The following MAP1B variants were observed in gnomAD, a reference collection of about 807,000 sequenced individuals.
MAP1B encodes microtubule-associated protein 1B.
A neutral mutation model predicts 176.1 loss-of-function variants in MAP1B; 12 were observed. The observed-to-expected ratio is 0.07, with a 90% CI of 0.04 to 0.11. The LOEUF (loss-of-function observed/expected upper bound fraction) is 0.11, where lower values mean the gene tolerates loss of function less well. Among genes scored for constraint, MAP1B ranks in the 10% least tolerant of loss-of-function variants. MAP1B has a pLI of 1.00. For missense variants in MAP1B, 2,523 were observed against 2,990.5 expected (o/e 0.84, Z 3.65); for synonymous variants, 1,044 against 1,135.0 (o/e 0.92, Z 1.61).
intron 2 of MAP1B, among the ~76,000 whole-genome samples, chr5:72,159,545 T>C (rs1256537276): frequency 6.6e-6 from 1 of 152,202 alleles, no homozygotes; most frequent in Non-Finnish European, 1.5e-5. Context: ...TGTACAAATA[T>C]CTGTTTAAGT....
Position 72,196,461 on chromosome 5 carries a change from C to T in MAP1B, c.3106C>T (p.Pro1036Ser). 1 of 1,613,638 alleles carries T rather than the reference C, an allele frequency of 6.2e-7. No individual in the cohort carries two copies. The change falls in exon 5 of 7, where the codon CCG (proline) becomes TCG (serine). Residue 1036 changes from proline to serine, a missense_variant. Pro to Ser is a moderately conservative substitution (Grantham distance 74). Coordinates refer to ENST00000296755, the MANE Select transcript of MAP1B (RefSeq NM_005909.5). This position sits in a 1 kb window ranked among gnomAD's most constrained non-coding sequence, Gnocchi z 5.3. ...AEDAREEEYE[P>S]EKMEAEDYVM... ...AGATGCCAGAGAGGAGGAATATGAG[C>T]CGGAAAAAATGGAAGCTGAAGACTA...
chr5:72,133,102 A>G (rs1250216916), intron 2 of MAP1B, among the ~76,000 whole-genome samples: 1 of 152,214 alleles, frequency 6.6e-6, no homozygotes, highest in African/African-American at 2.4e-5. Context: ...GTGGGATGCT[A>G]GCCTGGGAAG....
intron 1 of MAP1B, among the ~76,000 whole-genome samples, chr5:72,108,721 G>T (rs777212473): frequency 3.9e-5 from 6 of 152,114 alleles, no homozygotes; most frequent in Non-Finnish European, 8.8e-5. Context: ...GGCACGGCTG[G>T]CTGGGCTTGC....
chr5:72,189,745 G>T (rs1323751093), intron 4 of MAP1B, among the ~76,000 whole-genome samples: 1 of 151,948 alleles, frequency 6.6e-6, no homozygotes, highest in Non-Finnish European at 1.5e-5. Context: ...ATAAAAAGAA[G>T]AGGAGATGGG....
At chr5:72,120,762 A>C (rs1299798562) in intron 2 of MAP1B, among the ~76,000 whole-genome samples, 1 of 152,174 alleles carries the variant, frequency 6.6e-6, no homozygotes, top group Non-Finnish European at 1.5e-5. Flanking sequence ...AATGAATTAA[A>C]GTGTGTAAAG....
intron 2 of MAP1B, among the ~76,000 whole-genome samples, chr5:72,119,208 A>T (rs1389349576): frequency 6.6e-6 from 1 of 152,200 alleles, no homozygotes; most frequent in East Asian, 1.9e-4. Flanking sequence ...CAACTCTGGC[A>T]TACTGTAATT....
rs1330924457 is a variant in MAP1B, at chr5:72,205,580, T to A, written c.*341T>A. ...GAGAGAGAGAGAGCGCGGGAGAGAG[T>A]GAGAGAGAGTGAGAGCACAAAGATA... On this transcript the variant is annotated 3_prime_UTR_variant, in exon 7 of 7. Transcript: ENST00000296755. 2.2e-5 allele frequency: 4 copies of A among 183,176 alleles called. No homozygotes were observed. Among genetic ancestry groups the A allele is most frequent in the Admixed American group, 5.8e-5 (1 of 17,288 alleles). The allele number at this position is 183,176 out of a possible 1,614,324, so 11.3% of individuals were successfully genotyped here.
chr5:72,125,313 T>C (rs1237469315), intron 2 of MAP1B, among the ~76,000 whole-genome samples: 1 of 152,170 alleles, frequency 6.6e-6, no homozygotes, highest in Non-Finnish European at 1.5e-5. Flanking sequence ...AATGTGCATA[T>C]GTGTTTGTGT....
At position 72,196,269 on chromosome 5, in the gene MAP1B, A is replaced by G. The variant is rs1163183035; in HGVS notation, c.2914A>G (p.Thr972Ala). ...TGTGAGCGCCTCCAAGCACAGCCCC[A>G]CTGAGGATGAGGAAAGTGCCAAGGC... ...VCVSASKHSP[T>A]EDEESAKAEA... The change falls in exon 5 of 7, where the codon ACT becomes GCT. Residue 972 changes from threonine (T) to alanine (A), a missense_variant. Transcript: ENST00000296755. This position sits in a 1 kb window ranked among gnomAD's most constrained non-coding sequence, Gnocchi z 5.3. 2 of 1,613,930 alleles carry G rather than the reference A, an allele frequency of 1.2e-6. No individual in the cohort carries two copies. Among genetic ancestry groups the G allele is most frequent in the African/African-American group, 2.7e-5 (2 of 74,902 alleles).
At chr5:72,147,234 G>T (rs1746062732) in intron 2 of MAP1B, among the ~76,000 whole-genome samples, 1 of 152,038 alleles carries the variant, frequency 6.6e-6, no homozygotes, top group Admixed American at 6.6e-5. Flanking sequence ...CTCCCAAAGT[G>T]CTGGGATTAC....
At position 72,199,576 on chromosome 5, in the gene MAP1B, C is replaced by T. The variant is rs778845047; in HGVS notation, c.6221C>T (p.Ser2074Leu). 6.2e-7 allele frequency: 1 copy of T among 1,614,210 alleles called. No homozygotes were observed. The highest frequency in any genetic ancestry group is 1.1e-5 in the South Asian group (1 of 91,082). The change falls in exon 5 of 7, where the codon TCA becomes TTA. Residue 2074 changes from serine (S) to leucine (L), a missense_variant. By Grantham distance (145) the Ser-to-Leu change is moderately radical. Coordinates refer to ENST00000296755, the MANE Select transcript of MAP1B (RefSeq NM_005909.5). This position sits in a 1 kb window ranked among gnomAD's most constrained non-coding sequence, Gnocchi z 4.2. ...TACACTGCAGAAAAGAAGTCCCCCT[C>T]AGAAGCCCGTCAGGATGTCGATTTA... ...LCYTAEKKSP[S>L]EARQDVDLCL...
chr5:72,172,060 G>T (rs903485024), intron 2 of MAP1B, among the ~76,000 whole-genome samples: 1 of 152,210 alleles, frequency 6.6e-6, no homozygotes, highest in Non-Finnish European at 1.5e-5. Flanking sequence ...ATCCTGTAAT[G>T]ATATGACCAG....
intron 2 of MAP1B, among the ~76,000 whole-genome samples, chr5:72,179,032 A>T (rs1338097983): frequency 1.3e-5 from 2 of 152,166 alleles, no homozygotes; most frequent in African/African-American, 4.8e-5. Context: ...GAGCACAAAC[A>T]AAAGTCTCAT....
Position 72,199,735 on chromosome 5 carries a change from G to C in MAP1B, c.6380G>C (p.Gly2127Ala). The change falls in exon 5 of 7, where the codon GGG (glycine) becomes GCG (alanine). Residue 2127 changes from glycine to alanine, a missense_variant. Around this residue, in one of 4 missense-constraint regions of MAP1B, gnomAD observed 1,925 missense variants for 2,126.0 expected, o/e 0.91. Transcript: ENST00000296755. The surrounding 1 kb of genome is among the most constrained non-coding windows in gnomAD (Gnocchi z 4.2). ...EESEKPLTQS[G>A]GAPPPPGGKQ... ...TCTGAAAAGCCCCTCACTCAATCAG[G>C]GGGAGCCCCACCGCCTCCAGGAGGA... 6.2e-7 allele frequency: 1 copy of C among 1,614,100 alleles called. No homozygotes were observed. The highest frequency in any genetic ancestry group is 8.5e-7 in the Non-Finnish European group (1 of 1,180,024).
intron 2 of MAP1B, among the ~76,000 whole-genome samples, chr5:72,151,526 A>G (rs1746140793): frequency 6.6e-6 from 1 of 152,232 alleles, no homozygotes; most frequent in Non-Finnish European, 1.5e-5. Context: ...ATGTGGAAAA[A>G]GTACTGGAAG....
At chr5:72,108,814 G>A (rs1745213459) in intron 1 of MAP1B, among the ~76,000 whole-genome samples, 1 of 152,054 alleles carries the variant, frequency 6.6e-6, no homozygotes, top group Non-Finnish European at 1.5e-5. Flanking sequence ...GGAGTCCCTG[G>A]GTGGGCAGCT....
intron 2 of MAP1B, among the ~76,000 whole-genome samples, chr5:72,170,503 G>A (rs994498709): frequency 2.6e-5 from 4 of 152,074 alleles, no homozygotes; most frequent in African/African-American, 9.7e-5. Context: ...GTGGTGAAAG[G>A]TTTAGTTGGA....
chr5:72,166,640 C>G (rs562014325), intron 2 of MAP1B, among the ~76,000 whole-genome samples: 1 of 152,140 alleles, frequency 6.6e-6, no homozygotes, highest in East Asian at 1.9e-4. Flanking sequence ...ATGTGAGGCC[C>G]GAGGCCGAGC....
chr5:72,199,902 G>A lies in MAP1B; in HGVS notation c.6547G>A (p.Glu2183Lys), dbSNP rs979362124. 6.2e-7 allele frequency: 1 copy of A among 1,613,926 alleles called. No homozygotes were observed. Among genetic ancestry groups the A allele is most frequent in the Non-Finnish European group, 8.5e-7 (1 of 1,180,040 alleles). The change falls in exon 5 of 7, where the codon GAG becomes AAG. Residue 2183 changes from glutamate (E) to lysine (K), a missense_variant. By Grantham distance (56) the Glu-to-Lys change is moderately conservative. This residue lies in a region of MAP1B where 287 missense variants were observed against 401.5 expected (regional missense o/e 0.71). Coordinates refer to ENST00000296755, the MANE Select transcript of MAP1B (RefSeq NM_005909.5). This position sits in a 1 kb window ranked among gnomAD's most constrained non-coding sequence, Gnocchi z 4.2. Reference sequence around the variant, plus strand: ...CGATGCCAATATCGACTCTGAAGACGAGTCGGAAACCATCCCCACAGACAA... The same window carrying A: ...CGATGCCAATATCGACTCTGAAGACAAGTCGGAAACCATCCCCACAGACAA... ...TADANIDSED[E>K]SETIPTDKTV... is the part of the protein sequence containing the mutation.
Sources: gnomAD v4.1 joint callset for allele counts (sites outside exome capture counted in the v4.1 genomes callset) on GRCh38, gnomAD v4.1.1 for gene constraint, gnomAD v4.1.1 regional missense constraint, Gnocchi (gnomAD v3.1) non-coding constraint, MANE v1.5 for transcripts, NCBI Gene and HGNC (gene_info 2026-07-23, HGNC 2026-07-21) for gene names.